The following CHRNB4 variants were observed in gnomAD, a reference collection of about 807,000 sequenced individuals.
The protein encoded by CHRNB4 is cholinergic receptor nicotinic beta 4 subunit.
CHRNB4 carries 23 observed loss-of-function variants against 40.4 expected under a neutral mutation model. The observed-to-expected ratio is 0.57, with a 90% CI of 0.41 to 0.81. The LOEUF is 0.81. CHRNB4 is among the 30% of genes least tolerant of loss of function. The pLI is 0.00. For missense variants in CHRNB4, 568 were observed against 670.6 expected, an observed-to-expected ratio of 0.85 and a Z score of 1.69; for synonymous variants, 285 against 274.4, an observed-to-expected ratio of 1.04 and a Z score of -0.38.
intron 6 of CHRNB4, among the ~76,000 whole-genome samples, chr15:78,652,038 C>A (rs1002616975): frequency 1.3e-5 from 2 of 152,200 alleles, no homozygotes; most frequent in Non-Finnish European, 2.9e-5. Flanking sequence ...CCCCATCTTC[C>A]AGTGAGAAAG....
At chr15:78,634,774 C>T in intron 2 of CHRNB4, 1 of 455,962 alleles carries the variant, frequency 2.2e-6, no homozygotes, top group Non-Finnish European at 4.4e-6. Flanking sequence ...TTACAATAGG[C>T]CATGGTTCCC....
chr15:78,648,391 C>CAA (rs745703762), intron 7 of CHRNB4, among the ~76,000 whole-genome samples: 46 of 73,496 alleles, frequency 6.3e-4, no homozygotes, highest in East Asian at 2.0e-3. Context: ...AGACTTGCCT[C>CAA]AAAAAAAAAA....
Position 78,625,047 on chromosome 15 carries a change from G to A in CHRNB4, c.*86C>T. The A allele has an allele frequency of 6.2e-7, 1 of 1,607,050 alleles. No individual in the cohort carries two copies. Among genetic ancestry groups the A allele is most frequent in the South Asian group, 1.1e-5 (1 of 91,080 alleles). On this transcript the variant is annotated 3_prime_UTR_variant, in exon 6 of 6. Coordinates refer to ENST00000261751, the MANE Select transcript of CHRNB4 (RefSeq NM_000750.5). ...TGGCCAATGCTCACATATTTACTTA[G>A]GGCCTCATCAGCCACAACCCAGAAA...
upstream of CHRNB4, among the ~76,000 whole-genome samples, chr15:78,641,786 G>A (rs1192004516): frequency 2.0e-5 from 3 of 152,204 alleles, no homozygotes; most frequent in Non-Finnish European, 4.4e-5. Flanking sequence ...GCTGGAGTGG[G>A]CTGGCCTCGT....
intron 6 of CHRNB4, chr15:78,649,502 CA>C (rs921325911): frequency 2.3e-6 from 1 of 428,646 alleles, no homozygotes; most frequent in African/African-American, 2.1e-5. Flanking sequence ...TAAAACAATG[CA>C]AAGCAAAGAC....
intron 7 of CHRNB4, among the ~76,000 whole-genome samples, chr15:78,648,631 G>A (rs2054146553): frequency 1.3e-5 from 2 of 151,216 alleles, no homozygotes; most frequent in African/African-American, 4.9e-5. Context: ...GCAGATGCCT[G>A]TAATCCCAGC....
At chr15:78,636,598 C>G (rs887543949) in intron 1 of CHRNB4, among the ~76,000 whole-genome samples, 3 of 151,708 alleles carry the variant, frequency 2.0e-5, no homozygotes, top group Non-Finnish European at 4.4e-5. Context: ...CACTGTCTCA[C>G]TTCCTGTTTT....
chr15:78,632,729 A>G (rs2054327336), intron 2 of CHRNB4, among the ~76,000 whole-genome samples: 1 of 152,170 alleles, frequency 6.6e-6, no homozygotes, highest in Admixed American at 6.5e-5. Flanking sequence ...ATAGAAGAGT[A>G]TGTAACATGT....
intron 4 of CHRNB4, 198 bp downstream of exon 4, chr15:78,630,878 C>T: frequency 1.7e-6 from 1 of 578,482 alleles, no homozygotes; most frequent in Non-Finnish European, 3.1e-6. Context: ...CCCTCCCCTC[C>T]CTCAGCCTCC....
intron 1 of CHRNB4, 58 bp downstream of exon 1, chr15:78,641,021 T>C (rs1467161713): frequency 1.3e-6 from 2 of 1,527,622 alleles, no homozygotes; most frequent in Non-Finnish European, 1.8e-6. Context: ...CTGTGGCCAG[T>C]CCAGCCCCTT....
intron 7 of CHRNB4, among the ~76,000 whole-genome samples, chr15:78,647,521 T>C (rs1442363289): frequency 1.3e-5 from 2 of 151,772 alleles, no homozygotes; most frequent in Non-Finnish European, 2.9e-5. Context: ...AGCATTCCTA[T>C]ACATCAATAA....
upstream of CHRNB4, among the ~76,000 whole-genome samples, chr15:78,646,161 G>A (rs2054121526): frequency 6.6e-6 from 1 of 152,090 alleles, no homozygotes; most frequent in Non-Finnish European, 1.5e-5. Flanking sequence ...GTTAAATGTT[G>A]AGGGGGATGT....
Position 78,625,002 on chromosome 15 carries a change from G to C in CHRNB4, c.*131C>G. 6.3e-7 allele frequency: 1 copy of C among 1,593,246 alleles called. No individual in the cohort carries two copies. Among genetic ancestry groups the C allele is most frequent in the Non-Finnish European group, 8.5e-7 (1 of 1,177,470 alleles). On this transcript the variant is annotated 3_prime_UTR_variant, in exon 6 of 6. Coordinates refer to ENST00000261751, the MANE Select transcript of CHRNB4 (RefSeq NM_000750.5). ...CCATCCTTGCCTGTTCCACGGCTGT[G>C]GCTGGTTTGATGGGGTTGATGGCCA...
rs1437845475 is a variant in CHRNB4 at position 78,653,406 on chromosome 15, C to A, written c.-109-735G>T. On this transcript the variant is annotated intron_variant and NMD_transcript_variant, in intron 5 of 11. Transcript: ENST00000559849. ...AAAGCCGGCCCTGATTCCTCTCAAT[C>A]TTTATGGACCTCCTCATTGAAGGAC... Among the ~76,000 whole-genome samples, 3 of 152,192 alleles carry A rather than the reference C, an allele frequency of 2.0e-5. No homozygotes were observed. The East Asian group carries it at 5.8e-4, about 29-fold the overall frequency.
At chr15:78,651,782 T>A (rs1258260423) in intron 6 of CHRNB4, among the ~76,000 whole-genome samples, 4 of 152,168 alleles carry the variant, frequency 2.6e-5, no homozygotes, top group African/African-American at 9.6e-5. Context: ...TGAACCAGGA[T>A]GCCCCCACCC....
upstream of CHRNB4, among the ~76,000 whole-genome samples, chr15:78,642,569 C>G (rs1456480128): frequency 6.6e-6 from 1 of 152,090 alleles, no homozygotes; most frequent in Non-Finnish European, 1.5e-5. Context: ...TGCTGCTGAT[C>G]CGTGGTCTGT....
At chr15:78,645,175 A>G (rs2141404073), upstream of CHRNB4, among the ~76,000 whole-genome samples, 1 of 152,336 alleles carries the variant, frequency 6.6e-6, no homozygotes, top group East Asian at 1.9e-4. Flanking sequence ...AGGGCCATGA[A>G]CCAGACAACC....
chr15:78,640,787 TCCAGCCC>T (rs897938135), intron 1 of CHRNB4, among the ~76,000 whole-genome samples: 2 of 152,176 alleles, frequency 1.3e-5, no homozygotes, highest in African/African-American at 4.8e-5. Context: ...GCCGGTGTCA[TCCAGCCC>T]ACTGCCCAGC....
chr15:78,632,233 C>T (rs374977890), intron 2 of CHRNB4, among the ~76,000 whole-genome samples: 5 of 86,652 alleles, frequency 5.8e-5, no homozygotes, highest in African/African-American at 2.5e-4. Flanking sequence ...CTCTCTCTCT[C>T]TCTCTCTCTC....
Sources: gnomAD v4.1 joint callset for allele counts (sites outside exome capture counted in the v4.1 genomes callset) on GRCh38, gnomAD v4.1.1 for gene constraint, MANE v1.5 for transcripts, NCBI Gene and HGNC (gene_info 2026-07-23, HGNC 2026-07-21) for gene names.